Variants in HRH1 observed in about 807,000 individuals in gnomAD.
HRH1 encodes the protein histamine receptor H1, also known as histamine H1 receptor.
Under a neutral mutation model 10.3 loss-of-function variants are expected in HRH1, and 6 were observed. The ratio of observed to expected loss-of-function variants is 0.58; its 90% CI spans 0.32 to 1.15. The LOEUF is 1.15. Among genes scored for constraint, HRH1 ranks in the 50% most tolerant of loss-of-function variants. The pLI, the probability that HRH1 is intolerant of heterozygous loss-of-function variation, is 0.05. For synonymous variants in HRH1, 242 were observed against 236.7 expected (o/e 1.02, Z -0.21); for missense variants, 514 against 615.3 (o/e 0.84, Z 1.74).
chr3:11,230,118 T>C (rs1322128239), intron 1 of HRH1, among the ~76,000 whole-genome samples: 2 of 152,102 alleles, frequency 1.3e-5, no homozygotes, highest in African/African-American at 2.4e-5. Flanking sequence ...AGAAGGCCAG[T>C]GACGGACAGG....
chr3:11,239,004 G>A (rs948466773), intron 1 of HRH1, among the ~76,000 whole-genome samples: 1 of 152,174 alleles, frequency 6.6e-6, no homozygotes, highest in African/African-American at 2.4e-5. Flanking sequence ...GTGGTCACAC[G>A]ATTAGTTCTC....
rs142900149 is a variant in HRH1 at position 11,253,743 on chromosome 3, G to A, written c.-35-5260G>A. Reference sequence around the variant, plus strand: ...AGCCGCTGGAACGTTCTGACCGGGAGGATGTTCACGTTCCCGAATGGTCAT... The same window carrying A: ...AGCCGCTGGAACGTTCTGACCGGGAAGATGTTCACGTTCCCGAATGGTCAT... On this transcript the variant is annotated intron_variant, in intron 1 of 1. Coordinates refer to ENST00000431010, the MANE Select transcript of HRH1 (RefSeq NM_001098212.2). 5.2e-3 allele frequency among the ~76,000 whole-genome samples: 794 copies of A among 152,278 alleles called. 7 individuals carry two copies. Among genetic ancestry groups the A allele is most frequent in the African/African-American group, 0.018 (748 of 41,552 alleles).
intron 1 of HRH1, among the ~76,000 whole-genome samples, chr3:11,185,053 C>A (rs1406154778): frequency 1.3e-5 from 2 of 149,608 alleles, no homozygotes; most frequent in East Asian, 2.0e-4. Context: ...AAAAAAAAAA[C>A]CCTGCCAGTA....
intron 1 of HRH1, among the ~76,000 whole-genome samples, chr3:11,213,928 G>C (rs1173110443): frequency 6.6e-6 from 1 of 152,204 alleles, no homozygotes; most frequent in East Asian, 1.9e-4. Flanking sequence ...CACGTAAAGA[G>C]ATGGCAGGTT....
intron 1 of HRH1, among the ~76,000 whole-genome samples, chr3:11,217,646 T>C (rs995278594): frequency 6.6e-6 from 1 of 152,170 alleles, no homozygotes. Flanking sequence ...GTTCTGGAGA[T>C]TGGTTGCACA....
intron 1 of HRH1, among the ~76,000 whole-genome samples, chr3:11,211,655 C>G (rs1278566617): frequency 1.3e-5 from 2 of 152,116 alleles, no homozygotes; most frequent in Non-Finnish European, 2.9e-5. Context: ...AAGCTCAAGT[C>G]AGGAAGATAA....
At chr3:11,241,547 A>C (rs1939336304) in intron 1 of HRH1, among the ~76,000 whole-genome samples, 1 of 151,746 alleles carries the variant, frequency 6.6e-6, no homozygotes, top group South Asian at 2.1e-4. Context: ...AAAATGCACC[A>C]CTCAGGCTGG....
chr3:11,233,028 C>T (rs995697011), intron 1 of HRH1, among the ~76,000 whole-genome samples: 1 of 152,120 alleles, frequency 6.6e-6, no homozygotes, highest in Non-Finnish European at 1.5e-5. Flanking sequence ...CTGATACTTT[C>T]AAGTTTTTTT....
At chr3:11,252,303 G>A (rs1939673000) in intron 1 of HRH1, among the ~76,000 whole-genome samples, 1 of 152,176 alleles carries the variant, frequency 6.6e-6, no homozygotes, top group Non-Finnish European at 1.5e-5. Context: ...ATTGGAGTTT[G>A]TTTTTCGAGG....
At chr3:11,139,007 G>GGAC in intron 1 of HRH1, among the ~76,000 whole-genome samples, 1 of 71,014 alleles carries the variant, frequency 1.4e-5, no homozygotes, top group Non-Finnish European at 3.1e-5. Flanking sequence ...TTTTTTTTTA[G>GGAC]AAAGAATTTT....
intron 1 of HRH1, among the ~76,000 whole-genome samples, chr3:11,216,686 C>A (rs1575019597): frequency 6.6e-6 from 1 of 152,028 alleles, no homozygotes; most frequent in African/African-American, 2.4e-5. Context: ...CAAGACCAGT[C>A]TGGGTAACAT....
chr3:11,240,107 C>T (rs898755384), intron 1 of HRH1, among the ~76,000 whole-genome samples: 19 of 152,064 alleles, frequency 1.2e-4, no homozygotes, highest in African/African-American at 4.3e-4. Flanking sequence ...GCTGCCAGAG[C>T]CCACCCTAGG....
chr3:11,241,705 G>A (rs1052076157), intron 1 of HRH1, among the ~76,000 whole-genome samples: 27 of 151,994 alleles, frequency 1.8e-4, no homozygotes, highest in Non-Finnish European at 5.9e-5. Flanking sequence ...GTGTGGTAGC[G>A]GGCGCCTGTG....
At chr3:11,198,527 G>T (rs1241098506) in intron 1 of HRH1, among the ~76,000 whole-genome samples, 4 of 152,014 alleles carry the variant, frequency 2.6e-5, no homozygotes, top group Admixed American at 2.6e-4. Context: ...CAGGTAAATG[G>T]TAGTGCCATT....
At chr3:11,189,842 C>A (rs1354405496) in intron 1 of HRH1, among the ~76,000 whole-genome samples, 1 of 151,818 alleles carries the variant, frequency 6.6e-6, no homozygotes, top group Non-Finnish European at 1.5e-5. Context: ...CCCAGCTACT[C>A]GGGAGGCTGA....
intron 1 of HRH1, among the ~76,000 whole-genome samples, chr3:11,236,241 G>A (rs347616): frequency 0.66 from 101,028 of 152,130 alleles, 33,786 homozygotes; most frequent in Non-Finnish European, 0.7. Context: ...GACCAGCCTG[G>A]CCAACATGGT....
In HRH1 at chr3:11,234,898, T is replaced by C. The variant is rs144583488; in HGVS notation, c.-35-24105T>C. 1.8e-3 allele frequency among the ~76,000 whole-genome samples: 270 copies of C among 152,340 alleles called. 1 individual carries two copies. The highest frequency in any genetic ancestry group is 6.2e-3 in the African/African-American group (257 of 41,574). ...TCTCAATTGTGTTCACATTTGCATGTTGAAGCATTTTTATGATGATTACTT... is the reference window on the plus strand; with the variant it reads ...TCTCAATTGTGTTCACATTTGCATGCTGAAGCATTTTTATGATGATTACTT... On this transcript the variant is annotated intron_variant, in intron 1 of 1. Coordinates refer to ENST00000431010, the MANE Select transcript of HRH1 (RefSeq NM_001098212.2).
chr3:11,196,060 C>T (rs1559266781), intron 1 of HRH1, among the ~76,000 whole-genome samples: 1 of 152,236 alleles, frequency 6.6e-6, no homozygotes, highest in Non-Finnish European at 1.5e-5. Flanking sequence ...CATTCTCTTT[C>T]CTGCAGCCAG....
chr3:11,212,576 T>C (rs1434551619), intron 1 of HRH1, among the ~76,000 whole-genome samples: 1 of 152,166 alleles, frequency 6.6e-6, no homozygotes, highest in African/African-American at 2.4e-5. Flanking sequence ...CAATGGGCAC[T>C]TTTCCCCCTT....
Sources: allele counts gnomAD v4.1 joint callset (sites outside exome capture counted in the v4.1 genomes callset), GRCh38; gene constraint gnomAD v4.1.1; transcripts MANE v1.5; gene names NCBI Gene and HGNC (gene_info 2026-07-23, HGNC 2026-07-21).